CEP350: variants seen among roughly 807,000 people sequenced by gnomAD.
CEP350 encodes the protein centrosomal protein 350.
A neutral mutation model predicts 331.8 loss-of-function variants in CEP350; 126 were observed. The ratio of observed to expected loss-of-function variants is 0.38; its 90% CI spans 0.33 to 0.44. CEP350 has a LOEUF of 0.44. CEP350 is among the 20% of genes least tolerant of loss of function. The pLI is 1.00. For missense variants in CEP350, 3,406 were observed against 3,634.6 expected (o/e 0.94, Z 1.62); for synonymous variants, 1,200 against 1,259.5 (o/e 0.95, Z 1.00).
intron 17 of CEP350, among the ~76,000 whole-genome samples, chr1:180,038,982 A>G (rs1342610830): frequency 6.6e-6 from 1 of 152,076 alleles, no homozygotes; most frequent in Admixed American, 6.5e-5. Flanking sequence ...CTGGGAGGCC[A>G]AGGCAGGCAG....
chr1:179,974,675 A>G (rs143449709), intron 1 of CEP350, among the ~76,000 whole-genome samples: 5 of 152,346 alleles, frequency 3.3e-5, no homozygotes, highest in African/African-American at 1.2e-4. Context: ...GTGTGTATGT[A>G]TATATAATGA....
chr1:179,985,548 CTG>C (rs1652589382), intron 1 of CEP350, among the ~76,000 whole-genome samples: 1 of 152,074 alleles, frequency 6.6e-6, no homozygotes, highest in African/African-American at 2.4e-5. Flanking sequence ...TTATCCAAGA[CTG>C]GGTAATTTAT....
chr1:180,113,525 C>A lies in CEP350; in HGVS notation c.*2364C>A, dbSNP rs2149214646. The A allele has an allele frequency of 6.6e-6, 1 of 151,812 alleles. No homozygotes were observed. The highest frequency in any genetic ancestry group is 1.9e-4 in the East Asian group (1 of 5,160). 9.4% of individuals were successfully genotyped at this position (151,812 alleles called of 1,614,324 possible). A position where few individuals can be genotyped will look rare whatever the true frequency, so the allele number is the denominator to read the frequency against. On this transcript the variant is annotated 3_prime_UTR_variant, in exon 38 of 38. Transcript: ENST00000367607. ...CTCCACATGAGAGGCAGAAATGGAT[C>A]AGTCTTATTCTTTTCTAGAAATGGT...
chr1:180,107,264 G>C (rs1410943577), intron 37 of CEP350, among the ~76,000 whole-genome samples: 5 of 152,154 alleles, frequency 3.3e-5, no homozygotes, highest in Admixed American at 6.5e-5. Flanking sequence ...ATATAATTTA[G>C]CATGATAATT....
At chr1:180,025,877 G>A (rs569437931) in intron 14 of CEP350, among the ~76,000 whole-genome samples, 1 of 152,108 alleles carries the variant, frequency 6.6e-6, no homozygotes, top group African/African-American at 2.4e-5. Flanking sequence ...TAACAAACCT[G>A]CATGTTCTGC....
At chr1:180,088,980 A>G (rs892478342) in intron 32 of CEP350, among the ~76,000 whole-genome samples, 2 of 152,166 alleles carry the variant, frequency 1.3e-5, no homozygotes, top group African/African-American at 4.8e-5. Context: ...AGGATTTTTT[A>G]TGCTCAGATT....
At chr1:180,082,514 C>T (rs1227492194) in intron 30 of CEP350, among the ~76,000 whole-genome samples, 1 of 152,118 alleles carries the variant, frequency 6.6e-6, no homozygotes, top group Non-Finnish European at 1.5e-5. Context: ...GGGGTTTTGC[C>T]ATGCTGCCCA....
chr1:179,986,831 A>C (rs904050391), intron 2 of CEP350, among the ~76,000 whole-genome samples: 1 of 152,150 alleles, frequency 6.6e-6, no homozygotes. Context: ...GATTTTACCT[A>C]TGTTTTTACT....
At position 180,020,970 on chromosome 1, in the gene CEP350, A is replaced by G; in HGVS notation, c.3196A>G (p.Ile1066Val). 6.4e-7 allele frequency: 1 copy of G among 1,570,988 alleles called. No individual in the cohort carries two copies. Among genetic ancestry groups the G allele is most frequent in the Non-Finnish European group, 8.6e-7 (1 of 1,165,340 alleles). Residue 1066 changes from isoleucine (I) to valine (V), a missense_variant, in exon 12 of 38, where the codon ATT becomes GTT. Ile to Val is a conservative substitution (Grantham distance 29). Coordinates refer to ENST00000367607, the MANE Select transcript of CEP350 (RefSeq NM_014810.5). ...ELAKGSPHSVINIFTKSYQLY... is the reference protein window; with the variant it reads ...ELAKGSPHSVVNIFTKSYQLY... ...GGCAAAGGGAAGTCCACATAGCGTC[A>G]TTAATATTTTTACAAAATCCTATCA... is the stretch of plus-strand genomic sequence containing the variant.
At chr1:180,063,095 T>C (rs75900888) in intron 26 of CEP350, among the ~76,000 whole-genome samples, 2,273 of 152,220 alleles carry the variant, frequency 0.015, 48 homozygotes, top group African/African-American at 0.05. Context: ...GAGACTGTTT[T>C]ACTATTTACA....
intron 1 of CEP350, among the ~76,000 whole-genome samples, chr1:179,972,261 G>A (rs12123560): frequency 0.14 from 20,722 of 152,062 alleles, 1,496 homozygotes; most frequent in South Asian, 0.16. Flanking sequence ...GTCGCCCAGC[G>A]AGAGAGTATA....
intron 8 of CEP350, among the ~76,000 whole-genome samples, chr1:180,008,197 G>C (rs73032390): frequency 0.15 from 22,943 of 152,094 alleles, 1,886 homozygotes; most frequent in African/African-American, 0.2. Context: ...TCAGGTGGAA[G>C]TCTGAATAGA....
intron 26 of CEP350, among the ~76,000 whole-genome samples, chr1:180,064,657 A>G (rs1285388736): frequency 6.6e-6 from 1 of 152,196 alleles, no homozygotes; most frequent in African/African-American, 2.4e-5. Context: ...GGAATATTCA[A>G]AGGAAAAAAC....
intron 27 of CEP350, among the ~76,000 whole-genome samples, chr1:180,065,757 C>T (rs1658512009): frequency 1.3e-5 from 2 of 151,494 alleles, no homozygotes; most frequent in African/African-American, 2.4e-5. Flanking sequence ...GACCCTGTCC[C>T]CCCCCAAAAA....
At chr1:180,089,222 C>G (rs919752053) in intron 32 of CEP350, among the ~76,000 whole-genome samples, 3 of 152,082 alleles carry the variant, frequency 2.0e-5, no homozygotes, top group African/African-American at 7.2e-5. Context: ...TAGTCTAAGC[C>G]AGACCTCAAG....
intron 1 of CEP350, among the ~76,000 whole-genome samples, chr1:179,985,543 C>T (rs533611993): frequency 1.3e-5 from 2 of 151,966 alleles, no homozygotes; most frequent in South Asian, 4.1e-4. Context: ...ATAAATTATC[C>T]AAGACTGGGT....
intron 31 of CEP350, 66 bp from the exon 32 acceptor site, chr1:180,087,512 A>C: frequency 7.2e-7 from 1 of 1,383,658 alleles, no homozygotes; most frequent in East Asian, 2.6e-5. Context: ...AAAATATACT[A>C]TTTTATAATT....
At chr1:179,969,259 G>C (rs1207269496) in intron 1 of CEP350, 1 of 504,016 alleles carries the variant, frequency 2.0e-6, no homozygotes, top group East Asian at 4.9e-5. Flanking sequence ...ATCCTGAAGA[G>C]ACTGAAAAAG....
At chr1:180,107,769 T>C (rs1486826591) in intron 37 of CEP350, among the ~76,000 whole-genome samples, 1 of 152,074 alleles carries the variant, frequency 6.6e-6, no homozygotes, top group Non-Finnish European at 1.5e-5. Flanking sequence ...TGGGCCACAT[T>C]CTATTTACTA....
Sources: gnomAD v4.1 joint callset for allele counts (sites outside exome capture counted in the v4.1 genomes callset) on GRCh38, gnomAD v4.1.1 for gene constraint, MANE v1.5 for transcripts, NCBI Gene and HGNC (gene_info 2026-07-23, HGNC 2026-07-21) for gene names.